Variants in IHH observed in about 807,000 individuals in gnomAD.
The protein encoded by IHH is indian hedgehog protein.
In IHH, 9 loss-of-function variants were observed where a neutral mutation model predicts 29.4. That is an observed-to-expected ratio of 0.31 (90% CI 0.18 to 0.53). The LOEUF (loss-of-function observed/expected upper bound fraction) is 0.53, where lower values mean the gene tolerates loss of function less well. IHH is among the 20% of genes least tolerant of loss of function. IHH has a pLI of 0.95. For synonymous variants in IHH, 254 were observed against 252.7 expected, an observed-to-expected ratio of 1.01 and a Z score of -0.05; for missense variants, 454 against 578.1, an observed-to-expected ratio of 0.79 and a Z score of 2.20.
At position 219,059,264 on chromosome 2, in the gene IHH, G is replaced by C. The variant is rs996196235; in HGVS notation, c.315+889C>G. ...CTAGAAAGCCAGGGGCCTGCTTTCA[G>C]GGGGAAGCCTCGGGAGACCCCGAAG... On this transcript the variant is annotated intron_variant, in intron 1 of 2. Coordinates refer to ENST00000295731, the MANE Select transcript of IHH (RefSeq NM_002181.4). The surrounding 1 kb of genome is among the most constrained non-coding windows in gnomAD (Gnocchi z 4.7). Among the ~76,000 whole-genome samples, 5 of 152,206 alleles carry C rather than the reference G, an allele frequency of 3.3e-5. No individual in the cohort carries two copies. The highest frequency in any genetic ancestry group is 5.9e-5 in the Non-Finnish European group (4 of 68,020).
chr2:219,058,267 G>T (rs1236761185), intron 1 of IHH, among the ~76,000 whole-genome samples: 1 of 152,192 alleles, frequency 6.6e-6, no homozygotes, highest in Non-Finnish European at 1.5e-5. Flanking sequence ...TGTGTTGGAG[G>T]GGAATCGCCG....
Position 219,059,717 on chromosome 2 carries a change from C to A in IHH, c.315+436G>T, listed in dbSNP as rs868945. Among the ~76,000 whole-genome samples, 17,535 of 152,146 alleles carry A rather than the reference C, an allele frequency of 0.12. 1,065 individuals are homozygous for A. Among genetic ancestry groups the A allele is most frequent in the African/African-American group, 0.16 (6,671 of 41,494 alleles). On this transcript the variant is annotated intron_variant, in intron 1 of 2. Transcript: ENST00000295731. This position sits in a 1 kb window ranked among gnomAD's most constrained non-coding sequence, Gnocchi z 4.7. ...GGGAGGAAAGGCCGTGGTGACCCTA[C>A]GCACCCAGAGATTCTTTGCCTCAGG...
At position 219,060,376 on chromosome 2, in the gene IHH, C is replaced by A; in HGVS notation, c.92G>T (p.Gly31Val). The change falls in exon 1 of 3, where the codon GGT becomes GTT. Residue 31 changes from glycine to valine, a missense_variant. By Grantham distance (109) the Gly-to-Val change is moderately radical. Transcript: ENST00000295731. This position sits in a 1 kb window ranked among gnomAD's most constrained non-coding sequence, Gnocchi z 8.8. ...TCGCCGGCGGCTGCCCACCACCCGA[C>A]CCGGCCCGCAGCCCCATGCCGCCGG... ...VVPAAWGCGP[G>V]RVVGSRRRPP... 1 of 1,603,886 alleles carries A rather than the reference C, an allele frequency of 6.2e-7. No individual in the cohort carries two copies. Among genetic ancestry groups the A allele is most frequent in the Non-Finnish European group, 8.5e-7 (1 of 1,178,410 alleles).
Position 219,054,986 on chromosome 2 carries a change from A to G in IHH, c.*221T>C, listed in dbSNP as rs1948816425. The G allele has an allele frequency of 1.7e-6, 1 of 597,916 alleles. No homozygotes were observed. The highest frequency in any genetic ancestry group is 3.0e-6 in the Non-Finnish European group (1 of 336,586). The allele number at this position is 597,916 out of a possible 1,614,324, so 37.0% of individuals were successfully genotyped here. ...CTCTAGGAGAGAGGGGTCAACAACC[A>G]TCCCCTCGCCAGCTCAGCTTGCAGC... is the stretch of plus-strand genomic sequence containing the variant. On this transcript the variant is annotated 3_prime_UTR_variant, in exon 3 of 3. Transcript: ENST00000295731.
chr2:219,057,788 T>C, intron 1 of IHH, 94 bp from the exon 2 acceptor site: 5 of 1,464,402 alleles, frequency 3.4e-6, no homozygotes, highest in Non-Finnish European at 2.7e-6. Flanking sequence ...CCCAGAACTC[T>C]CCCGCCACAC....
Position 219,060,087 on chromosome 2 carries a change from G to T in IHH, c.315+66C>A. ...GCCAGTCGAGAAAATGTGCCAGGGG[G>T]TGGGTAGGGCCGGGCAGGTGGCCGT... On this transcript the variant is annotated intron_variant, in intron 1 of 2. Transcript: ENST00000295731. The surrounding 1 kb of genome is among the most constrained non-coding windows in gnomAD (Gnocchi z 8.8). 1 of 1,378,320 alleles carries T rather than the reference G, an allele frequency of 7.3e-7. No individual in the cohort carries two copies. Among genetic ancestry groups the T allele is most frequent in the Non-Finnish European group, 1.0e-6 (1 of 991,010 alleles). 85.4% of individuals were successfully genotyped at this position (1,378,320 alleles called of 1,614,324 possible).
At position 219,060,494 on chromosome 2, in the gene IHH, G is replaced by C; in HGVS notation, c.-27C>G. On this transcript the variant is annotated 5_prime_UTR_variant, in exon 1 of 3. Transcript: ENST00000295731. This position sits in a 1 kb window ranked among gnomAD's most constrained non-coding sequence, Gnocchi z 8.8. ...GCCGGGGAGCCCGGGGGAGCGGCGG[G>C]CGAGGTCTCCTGGTGGGCTGATGGG... 4 of 1,433,570 alleles carry C rather than the reference G, an allele frequency of 2.8e-6. No homozygotes were observed. Among genetic ancestry groups the C allele is most frequent in the Non-Finnish European group, 3.6e-6 (4 of 1,097,762 alleles). The allele number at this position is 1,433,570 out of a possible 1,614,324, so 88.8% of individuals were successfully genotyped here.
Position 219,057,414 on chromosome 2 carries a change from C to A in IHH, c.577+19G>T, listed in dbSNP as rs1308695166. The A allele has an allele frequency of 6.4e-7, 1 of 1,554,578 alleles. No homozygotes were observed. Among genetic ancestry groups the A allele is most frequent in the African/African-American group, 1.4e-5 (1 of 73,194 alleles). On this transcript the variant is annotated intron_variant, in intron 2 of 2. Transcript: ENST00000295731. ...CCTGCGGCCCCGGCCCCGGGCCCAGCCCCCCGGCGGCGGCTCACCGGACTT... is the reference window on the plus strand; with the variant it reads ...CCTGCGGCCCCGGCCCCGGGCCCAGACCCCCGGCGGCGGCTCACCGGACTT...
At position 219,055,794 on chromosome 2, in the gene IHH, G is replaced by A. The variant is rs1244499290; in HGVS notation, c.649C>T (p.Arg217Cys). The A allele has an allele frequency of 3.9e-5, 63 of 1,612,998 alleles. No homozygotes were observed. The highest frequency in any genetic ancestry group is 1.1e-4 in the South Asian group (10 of 91,088). ...GGCCTCACGGCTGACAAGGCCACAC[G>A]CGCCCCACTCTCCAGGCGTACCTGG... ...GAQVRLESGA[R>C]VALSAVRPGD... Residue 217 changes from arginine to cysteine, a missense_variant, in exon 3 of 3, where the codon CGT becomes TGT. By Grantham distance (180) the Arg-to-Cys change is radical. This residue lies in a region of IHH where 271 missense variants were observed against 315.9 expected (regional missense o/e 0.86). Coordinates refer to ENST00000295731, the MANE Select transcript of IHH (RefSeq NM_002181.4).
chr2:219,060,336 G>A lies in IHH; in HGVS notation c.132C>T (p.Leu44=). The A allele has an allele frequency of 1.2e-6, 2 of 1,610,076 alleles. No homozygotes were observed. Among genetic ancestry groups the A allele is most frequent in the Non-Finnish European group, 1.7e-6 (2 of 1,179,498 alleles). ...TGAACTGCTTGTAGGCGAGCGGCAC[G>A]AGTTTGCGTGGCGGTCGCCGGCGGC... is the stretch of plus-strand genomic sequence containing the variant. ...VGSRRRPPRK[L]VPLAYKQFSP... The change falls in exon 1 of 3, where the codon CTC becomes CTT. Residue 44 remains leucine, a synonymous_variant. Coordinates refer to ENST00000295731, the MANE Select transcript of IHH (RefSeq NM_002181.4). This position sits in a 1 kb window ranked among gnomAD's most constrained non-coding sequence, Gnocchi z 8.8.
In IHH at chr2:219,055,135, G is replaced by A; in HGVS notation, c.*72C>T. ...TCCCCCAGCTCAGGTCCCTTCCAGG[G>A]CCAGCTCCCTCCTGGCTGAGAGGCT... On this transcript the variant is annotated 3_prime_UTR_variant, in exon 3 of 3. Coordinates refer to ENST00000295731, the MANE Select transcript of IHH (RefSeq NM_002181.4). 2 of 1,504,962 alleles carry A rather than the reference G, an allele frequency of 1.3e-6. No individual in the cohort carries two copies. Among genetic ancestry groups the A allele is most frequent in the Non-Finnish European group, 9.0e-7 (1 of 1,107,272 alleles). The allele number at this position is 1,504,962 out of a possible 1,614,324, so 93.2% of individuals were successfully genotyped here. A position where few individuals can be genotyped will look rare whatever the true frequency, so the allele number is the denominator to read the frequency against.
In IHH at chr2:219,057,650, G is replaced by A. The variant is rs1948842818; in HGVS notation, c.360C>T (p.Asn120=). 1.2e-6 allele frequency: 2 copies of A among 1,611,672 alleles called. No individual in the cohort carries two copies. Among genetic ancestry groups the A allele is most frequent in the Admixed American group, 3.3e-5 (2 of 60,004 alleles). Reference sequence around the variant, plus strand: ...CCCGCAGCTTCACACCGGGCCACTGGTTCATCACCGAGATAGCCAGCGAGT... The same window carrying A: ...CCCGCAGCTTCACACCGGGCCACTGATTCATCACCGAGATAGCCAGCGAGT... The part of the protein sequence containing the change: ...RLNSLAISVM[N]QWPGVKLRVT... The change falls in exon 2 of 3, where the codon AAC becomes AAT. Residue 120 remains asparagine (N), a synonymous_variant. Coordinates refer to ENST00000295731, the MANE Select transcript of IHH (RefSeq NM_002181.4).
In IHH at chr2:219,054,887, A is replaced by C; in HGVS notation, c.*320T>G. 2 of 366,282 alleles carry C rather than the reference A, an allele frequency of 5.5e-6. No homozygotes were observed. The highest frequency in any genetic ancestry group is 5.1e-6 in the Non-Finnish European group (1 of 197,548). The allele number at this position is 366,282 out of a possible 1,614,324, so 22.7% of individuals were successfully genotyped here. A position where few individuals can be genotyped will look rare whatever the true frequency, so the allele number is the denominator to read the frequency against. On this transcript the variant is annotated 3_prime_UTR_variant, in exon 3 of 3. Transcript: ENST00000295731. ...AAGATGGATGGAATGGGCCCTCCCC[A>C]ATGGGGGAGGCAGAGTATGAAAACT... is the stretch of plus-strand genomic sequence containing the variant.
rs748917622 is a variant in IHH, at chr2:219,057,682, G to C, written c.328C>G (p.Arg110Gly). The change falls in exon 2 of 3, where the codon CGC becomes GGC. Residue 110 changes from arginine to glycine, a missense_variant. Transcript: ENST00000295731. ...DRLMTQRCKD[R>G]LNSLAISVMN... The stretch of plus-strand genomic sequence containing the variant: ...ACCGAGATAGCCAGCGAGTTCAGGC[G>C]GTCCTTGCAGCGCTGGGAGAGGAAT... The C allele has an allele frequency of 6.2e-7, 1 of 1,607,730 alleles. No homozygotes were observed. The highest frequency in any genetic ancestry group is 1.1e-5 in the South Asian group (1 of 91,068).
At chr2:219,057,272 G>T (rs891831545) in intron 2 of IHH, among the ~76,000 whole-genome samples, 161 bp downstream of exon 2, 3 of 152,198 alleles carry the variant, frequency 2.0e-5, no homozygotes, top group African/African-American at 7.2e-5. Context: ...GGATGAGCAG[G>T]CAGTCACGGT....
chr2:219,057,442 C>G lies in IHH; in HGVS notation c.568G>C (p.Val190Leu). 6.3e-7 allele frequency: 1 copy of G among 1,574,864 alleles called. No homozygotes were observed. The highest frequency in any genetic ancestry group is 8.6e-7 in the Non-Finnish European group (1 of 1,160,760). The change falls in exon 2 of 3, where the codon GTC becomes CTC. Residue 190 changes from valine to leucine, a missense_variant. Physicochemically the swap from Val to Leu is conservative, Grantham distance 32 (BLOSUM62 1). Transcript: ENST00000295731. ...YESKAHVHCS[V>L]KSEHSAAAKT... ...CCCGGCGGCGGCTCACCGGACTTGA[C>G]GGAGCAATGCACGTGGGCCTTTGAC... is the stretch of plus-strand genomic sequence containing the variant.
Position 219,055,032 on chromosome 2 carries a change from G to T in IHH, c.*175C>A, listed in dbSNP as rs3099. 3.7e-5 allele frequency: 25 copies of T among 683,446 alleles called. No individual in the cohort carries two copies. Among genetic ancestry groups the T allele is most frequent in the African/African-American group, 2.7e-4 (15 of 55,420 alleles). 42.3% of individuals were successfully genotyped at this position (683,446 alleles called of 1,614,324 possible). On this transcript the variant is annotated 3_prime_UTR_variant, in exon 3 of 3. Coordinates refer to ENST00000295731, the MANE Select transcript of IHH (RefSeq NM_002181.4). Reference sequence around the variant, plus strand: ...GCAGCTCTATGACTACACCACGACGGGGGTGGGGGACGCTGGTGTTGCCCA... The same window carrying T: ...GCAGCTCTATGACTACACCACGACGTGGGTGGGGGACGCTGGTGTTGCCCA...
rs1176954494 is a variant in IHH at position 219,054,829 on chromosome 2, T to A, written c.*378A>T. On this transcript the variant is annotated 3_prime_UTR_variant, in exon 3 of 3. Transcript: ENST00000295731. ...CTGGCTCCCAGGGAATTTAGCAGCA[T>A]CAACTGAGGCGCAAGCCCACCCAAA... 4 of 249,158 alleles carry A rather than the reference T, an allele frequency of 1.6e-5. No homozygotes were observed. The highest frequency in any genetic ancestry group is 3.1e-5 in the Non-Finnish European group (4 of 127,266). The allele number at this position is 249,158 out of a possible 1,614,324, so 15.4% of individuals were successfully genotyped here.
Position 219,060,546 on chromosome 2 carries a change from G to C in IHH, c.-79C>G. 9.4e-7 allele frequency: 1 copy of C among 1,058,614 alleles called. No homozygotes were observed. The allele number at this position is 1,058,614 out of a possible 1,614,324, so 65.6% of individuals were successfully genotyped here. A position where few individuals can be genotyped will look rare whatever the true frequency, so the allele number is the denominator to read the frequency against. On this transcript the variant is annotated 5_prime_UTR_variant, in exon 1 of 3. Coordinates refer to ENST00000295731, the MANE Select transcript of IHH (RefSeq NM_002181.4). The surrounding 1 kb of genome is among the most constrained non-coding windows in gnomAD (Gnocchi z 8.8). ...AGGCGCGTCGACGGGAGCGCTGCGG[G>C]GGCTCAGGCGTCCGGGTGGCTCCGG...
Sources: allele counts gnomAD v4.1 joint callset (sites outside exome capture counted in the v4.1 genomes callset), GRCh38; gene constraint gnomAD v4.1.1; regional missense constraint gnomAD v4.1.1; non-coding constraint Gnocchi (gnomAD v3.1); transcripts MANE v1.5; gene names NCBI Gene and HGNC (gene_info 2026-07-23, HGNC 2026-07-21).